Variants in PRKN observed in about 807,000 individuals in gnomAD.
PRKN encodes the protein E3 ubiquitin-protein ligase parkin.
A neutral mutation model predicts 59.5 loss-of-function variants in PRKN; 56 were observed. That is an observed-to-expected ratio of 0.94 (90% CI 0.76 to 1.18). PRKN has a LOEUF of 1.18. PRKN is among the 50% of genes most tolerant of loss of function. The pLI is 0.00. For missense variants in PRKN, 657 were observed against 596.4 expected, an observed-to-expected ratio of 1.10 and a Z score of -1.06; for synonymous variants, 250 against 222.1, an observed-to-expected ratio of 1.13 and a Z score of -1.12.
At chr6:162,419,270 A>T (rs77797484) in intron 2 of PRKN, among the ~76,000 whole-genome samples, 4,730 of 152,072 alleles carry the variant, frequency 0.031, 271 homozygotes, top group African/African-American at 0.11. Context: ...ACAGGGAAAA[A>T]TTGCTCTTCC....
rs1790187489 is a variant in PRKN at position 161,460,960 on chromosome 6, T to C, written c.1084-74083A>G. 2.0e-5 allele frequency among the ~76,000 whole-genome samples: 3 copies of C among 151,714 alleles called. No individual in the cohort carries two copies. The highest frequency in any genetic ancestry group is 2.9e-5 in the Non-Finnish European group (2 of 67,924). On this transcript the variant is annotated intron_variant, in intron 9 of 11. Coordinates refer to ENST00000366898, the MANE Select transcript of PRKN (RefSeq NM_004562.3). The surrounding 1 kb of genome is among the most constrained non-coding windows in gnomAD (Gnocchi z 5.0). ...TTTTAGCAGAGACGGGGTTTCACCA[T>C]GTTGGCCAGGATGGTCTTGATCACC...
At chr6:162,028,274 T>C (rs1783511206) in intron 5 of PRKN, among the ~76,000 whole-genome samples, 1 of 152,208 alleles carries the variant, frequency 6.6e-6, no homozygotes, top group Non-Finnish European at 1.5e-5. Context: ...CAGTTTTCTA[T>C]CTTCTATAAT....
intron 7 of PRKN, among the ~76,000 whole-genome samples, chr6:161,711,483 T>G (rs1786748485): frequency 6.6e-6 from 1 of 152,184 alleles, no homozygotes; most frequent in Non-Finnish European, 1.5e-5. Flanking sequence ...GAATTCAAGA[T>G]TTGTCTAAAT....
chr6:161,735,316 G>A (rs751901434), intron 7 of PRKN, among the ~76,000 whole-genome samples: 3 of 152,050 alleles, frequency 2.0e-5, no homozygotes, highest in Non-Finnish European at 2.9e-5. Flanking sequence ...ACATAAAGAC[G>A]ATAAGGATGA....
At chr6:161,822,369 T>C (rs1209404442) in intron 6 of PRKN, among the ~76,000 whole-genome samples, 1 of 152,192 alleles carries the variant, frequency 6.6e-6, no homozygotes, top group Non-Finnish European at 1.5e-5. Context: ...GCATGCATCT[T>C]GGACGATGAA....
intron 2 of PRKN, among the ~76,000 whole-genome samples, chr6:162,301,861 T>C (rs1781975042): frequency 6.6e-6 from 1 of 151,522 alleles, no homozygotes; most frequent in Non-Finnish European, 1.5e-5. Context: ...CAATATGATG[T>C]ACACCAAACC....
intron 1 of PRKN, among the ~76,000 whole-genome samples, chr6:162,470,787 C>G (rs1036582311): frequency 2.6e-5 from 4 of 152,014 alleles, no homozygotes; most frequent in Admixed American, 2.6e-4. Flanking sequence ...GATGGAGTCT[C>G]ATTCTGTGGC....
intron 5 of PRKN, among the ~76,000 whole-genome samples, chr6:162,009,924 A>G (rs562093831): frequency 1.3e-5 from 2 of 151,694 alleles, no homozygotes; most frequent in African/African-American, 4.8e-5. Context: ...TGACAGAGCA[A>G]GACTCTGCGT....
intron 6 of PRKN, among the ~76,000 whole-genome samples, chr6:161,874,083 AATATAAT>A (rs1221319328): frequency 2.0e-4 from 9 of 44,588 alleles, no homozygotes; most frequent in African/African-American, 4.3e-4. Context: ...TTATATGTAA[AATATAAT>A]ATATAATATA....
intron 7 of PRKN, among the ~76,000 whole-genome samples, chr6:161,768,622 C>T (rs1481422378): frequency 6.6e-6 from 1 of 152,132 alleles, no homozygotes; most frequent in Non-Finnish European, 1.5e-5. Context: ...ATAAAGTTTT[C>T]TTCCTGTAGC....
chr6:161,834,061 C>T (rs959659061), intron 6 of PRKN, among the ~76,000 whole-genome samples: 3 of 152,036 alleles, frequency 2.0e-5, no homozygotes, highest in Non-Finnish European at 4.4e-5. Context: ...CCTAAGACAG[C>T]GGCACAGACA....
At chr6:162,034,186 T>TATAGATAG (rs1349695864) in intron 5 of PRKN, among the ~76,000 whole-genome samples, 5 of 133,300 alleles carry the variant, frequency 3.8e-5, no homozygotes, top group South Asian at 2.4e-4. Flanking sequence ...TATATATATA[T>TATAGATAG]AGAGAGAGAG....
intron 1 of PRKN, among the ~76,000 whole-genome samples, chr6:162,618,932 A>G (rs1288905071): frequency 6.6e-6 from 1 of 152,206 alleles, no homozygotes; most frequent in Non-Finnish European, 1.5e-5. Flanking sequence ...GATGACTCCA[A>G]CTTCTTAAAA....
At chr6:161,787,755 G>C (rs1790479974) in intron 6 of PRKN, among the ~76,000 whole-genome samples, 1 of 152,094 alleles carries the variant, frequency 6.6e-6, no homozygotes. Context: ...GATCATCCTG[G>C]CTAACACAGC....
chr6:162,415,422 C>T (rs761491239), intron 2 of PRKN, among the ~76,000 whole-genome samples: 2 of 152,082 alleles, frequency 1.3e-5, no homozygotes, highest in South Asian at 4.2e-4. Context: ...AGAAACAGAT[C>T]GTGTGAAGAG....
rs1789521804 is a variant in PRKN at position 161,447,032 on chromosome 6, G to GT, written c.1084-60156dup. ...AGGATTTCTTTTCTGTTAGCTATGGGTAGGTGACTTCTTAATGATCTTTAA... is the reference window on the plus strand; with the variant it reads ...AGGATTTCTTTTCTGTTAGCTATGGGTTAGGTGACTTCTTAATGATCTTTAA... On this transcript the variant is annotated intron_variant, in intron 9 of 11. Transcript: ENST00000366898. This position sits in a 1 kb window ranked among gnomAD's most constrained non-coding sequence, Gnocchi z 4.1. Among the ~76,000 whole-genome samples the GT allele has an allele frequency of 6.6e-6, 1 of 152,180 alleles. No homozygotes were observed. The highest frequency in any genetic ancestry group is 2.1e-4 in the South Asian group (1 of 4,834).
At chr6:162,508,027 C>T (rs904203948) in intron 1 of PRKN, among the ~76,000 whole-genome samples, 13 of 152,136 alleles carry the variant, frequency 8.5e-5, no homozygotes. Flanking sequence ...TAAAGATATA[C>T]CCAAGACTGG....
At chr6:161,595,330 G>A (rs982509782) in intron 7 of PRKN, among the ~76,000 whole-genome samples, 5 of 152,074 alleles carry the variant, frequency 3.3e-5, no homozygotes, top group African/African-American at 9.7e-5. Context: ...AGTGTGGGGC[G>A]AGATGTAGGA....
chr6:162,500,674 T>C (rs986505311), intron 1 of PRKN, among the ~76,000 whole-genome samples: 1 of 152,194 alleles, frequency 6.6e-6, no homozygotes, highest in Admixed American at 6.5e-5. Context: ...AAGAACTAAA[T>C]AAGGCATGCT....
Sources: allele counts gnomAD v4.1 joint callset (sites outside exome capture counted in the v4.1 genomes callset), GRCh38; gene constraint gnomAD v4.1.1; non-coding constraint Gnocchi (gnomAD v3.1); transcripts MANE v1.5; gene names NCBI Gene and HGNC (gene_info 2026-07-23, HGNC 2026-07-21).